INPP4B: variants seen among roughly 807,000 people sequenced by gnomAD.
INPP4B encodes the protein inositol polyphosphate-4-phosphatase type II B, also known as inositol polyphosphate 4-phosphatase type II.
A neutral mutation model predicts 122.5 loss-of-function variants in INPP4B; 55 were observed. The ratio of observed to expected loss-of-function variants is 0.45; its 90% CI spans 0.36 to 0.56. INPP4B has a LOEUF of 0.56. Ranked by LOEUF, INPP4B falls within the 20% of genes least tolerant of loss-of-function variation. The pLI is 0.00. For synonymous variants in INPP4B, 403 were observed against 388.7 expected (o/e 1.04, Z -0.43); for missense variants, 1,000 against 1,097.7 (o/e 0.91, Z 1.26).
intron 2 of INPP4B, among the ~76,000 whole-genome samples, chr4:142,562,449 T>G (rs1296834346): frequency 6.6e-6 from 1 of 152,180 alleles, no homozygotes; most frequent in Non-Finnish European, 1.5e-5. Flanking sequence ...TTGTAACATA[T>G]GCTTACATCC....
intron 25 of INPP4B, among the ~76,000 whole-genome samples, chr4:142,062,266 TCATCATCACAGCACCACAC>T (rs1303148650): frequency 3.3e-5 from 5 of 151,106 alleles, no homozygotes; most frequent in South Asian, 2.1e-4. Flanking sequence ...CACCACCACA[TCATCATCACAGCACCACAC>T]CATCATCACA....
chr4:142,225,742 C>T (rs1851266746), intron 12 of INPP4B, among the ~76,000 whole-genome samples: 1 of 152,028 alleles, frequency 6.6e-6, no homozygotes, highest in East Asian at 1.9e-4. Flanking sequence ...AAAAATATGA[C>T]ATAGATCAAA....
At chr4:142,754,541 A>C (rs1770214377) in intron 1 of INPP4B, among the ~76,000 whole-genome samples, 1 of 152,024 alleles carries the variant, frequency 6.6e-6, no homozygotes, top group African/African-American at 2.4e-5. Flanking sequence ...GTAGCATTTT[A>C]AATACAGGTC....
chr4:142,655,566 C>A (rs1300581145), intron 2 of INPP4B, among the ~76,000 whole-genome samples: 1 of 152,106 alleles, frequency 6.6e-6, no homozygotes, highest in Non-Finnish European at 1.5e-5. Flanking sequence ...AAACCCTGCA[C>A]CTTACATTTT....
chr4:142,550,482 G>A (rs528325552), intron 2 of INPP4B, among the ~76,000 whole-genome samples: 1 of 151,846 alleles, frequency 6.6e-6, no homozygotes, highest in Non-Finnish European at 1.5e-5. Context: ...AGGTAGGAGA[G>A]TTCAACTTCT....
At chr4:142,778,955 C>A (rs1176408931) in intron 1 of INPP4B, among the ~76,000 whole-genome samples, 3 of 152,172 alleles carry the variant, frequency 2.0e-5, no homozygotes, top group Admixed American at 2.0e-4. Context: ...AAATTCAAAG[C>A]ATTTATACTT....
chr4:142,632,952 G>T (rs1429645562), intron 2 of INPP4B, among the ~76,000 whole-genome samples: 1 of 151,500 alleles, frequency 6.6e-6, no homozygotes, highest in Non-Finnish European at 1.5e-5. Context: ...AACATAAACA[G>T]GTTGGATCTT....
intron 12 of INPP4B, among the ~76,000 whole-genome samples, chr4:142,215,968 T>TTG (rs1268718118): frequency 7.0e-6 from 1 of 142,574 alleles, no homozygotes; most frequent in East Asian, 2.2e-4. Flanking sequence ...AATTAAATAG[T>TTG]TGCATACCAT....
intron 5 of INPP4B, among the ~76,000 whole-genome samples, chr4:142,414,016 G>A (rs1805150513): frequency 6.6e-6 from 1 of 152,088 alleles, no homozygotes; most frequent in African/African-American, 2.4e-5. Flanking sequence ...GTAATAATTT[G>A]CAAGAGGGAA....
At chr4:142,585,736 T>C (rs1736020622) in intron 2 of INPP4B, among the ~76,000 whole-genome samples, 1 of 152,048 alleles carries the variant, frequency 6.6e-6, no homozygotes, top group Admixed American at 6.6e-5. Flanking sequence ...TCTAGGGCCA[T>C]GAGTTGTTTC....
At chr4:142,445,926 T>C (rs1430445790) in intron 3 of INPP4B, among the ~76,000 whole-genome samples, 1 of 152,158 alleles carries the variant, frequency 6.6e-6, no homozygotes, top group African/African-American at 2.4e-5. Context: ...CAATATACTT[T>C]CAAGTAATTG....
In INPP4B at chr4:142,786,931, C is replaced by T. The variant is rs767705630; in HGVS notation, c.-254+59278G>A. ...GACAAGTAAATATAATGTGGTATCTCGGATAGAATCCCGGAAAATAAACTA... is the reference window on the plus strand; with the variant it reads ...GACAAGTAAATATAATGTGGTATCTTGGATAGAATCCCGGAAAATAAACTA... On this transcript the variant is annotated intron_variant, in intron 1 of 25. Coordinates refer to ENST00000262992, the MANE Select transcript of INPP4B (RefSeq NM_001101669.3). 5.3e-5 allele frequency among the ~76,000 whole-genome samples: 8 copies of T among 151,700 alleles called. No individual in the cohort carries two copies. In the South Asian group the frequency reaches 8.3e-4, roughly 16 times the overall value.
chr4:142,493,623 T>A (rs1822155047), intron 2 of INPP4B, among the ~76,000 whole-genome samples: 1 of 152,196 alleles, frequency 6.6e-6, no homozygotes, highest in South Asian at 2.1e-4. Context: ...CCCCTTTGAT[T>A]TAGCCAATCT....
chr4:142,323,190 G>T (rs1326779456), intron 7 of INPP4B, among the ~76,000 whole-genome samples: 3 of 151,954 alleles, frequency 2.0e-5, no homozygotes, highest in Non-Finnish European at 2.9e-5. Flanking sequence ...GTCAACAGCT[G>T]GTCAGAAGGA....
At chr4:142,029,421 C>T in intron 25 of INPP4B, 1 of 986,124 alleles carries the variant, frequency 1.0e-6, no homozygotes, top group Non-Finnish European at 1.2e-6. Context: ...TCTGAACAGC[C>T]TGGGCCAAGT....
intron 2 of INPP4B, among the ~76,000 whole-genome samples, chr4:142,584,663 G>T (rs562749300): frequency 6.6e-6 from 1 of 152,106 alleles, no homozygotes; most frequent in East Asian, 1.9e-4. Flanking sequence ...TATCACTATT[G>T]ATTTGACCTT....
intron 2 of INPP4B, among the ~76,000 whole-genome samples, chr4:142,491,107 T>TAA (rs1333266236): frequency 6.6e-6 from 1 of 152,020 alleles, no homozygotes. Context: ...GATCATAAGG[T>TAA]AGTTCTATTT....
chr4:142,228,860 T>C (rs1303917344), intron 12 of INPP4B, among the ~76,000 whole-genome samples: 1 of 151,884 alleles, frequency 6.6e-6, no homozygotes, highest in South Asian at 2.1e-4. Flanking sequence ...AGCATTTATG[T>C]GTATTTGTGT....
chr4:142,387,576 C>A (rs938606678), intron 7 of INPP4B, among the ~76,000 whole-genome samples: 1 of 151,942 alleles, frequency 6.6e-6, no homozygotes, highest in African/African-American at 2.4e-5. Context: ...GTCACTAGGG[C>A]CACTCAGGGA....
Sources: allele counts gnomAD v4.1 joint callset (sites outside exome capture counted in the v4.1 genomes callset), GRCh38; gene constraint gnomAD v4.1.1; transcripts MANE v1.5; gene names NCBI Gene and HGNC (gene_info 2026-07-23, HGNC 2026-07-21).